PTPRT: variants seen among roughly 807,000 people sequenced by gnomAD.
PTPRT encodes receptor-type tyrosine-protein phosphatase T.
PTPRT carries 56 observed loss-of-function variants against 176.8 expected under a neutral mutation model. That is an observed-to-expected ratio of 0.32 (90% confidence interval 0.26 to 0.40). The LOEUF is 0.40. Among genes scored for constraint, PTPRT ranks in the 10% least tolerant of loss-of-function variants. The probability of loss-of-function intolerance (pLI) is 1.00; values close to 1 mark genes in which losing one functional copy is unlikely to be tolerated. For missense variants in PTPRT, 1,540 were observed against 1,908.2 expected (o/e 0.81, Z 3.60); for synonymous variants, 783 against 739.0 (o/e 1.06, Z -0.96).
intron 7 of PTPRT, among the ~76,000 whole-genome samples, chr20:42,531,285 A>G (rs923053363): frequency 5.3e-5 from 8 of 152,266 alleles, no homozygotes; most frequent in Non-Finnish European, 2.9e-5. Context: ...AGTAAAGATA[A>G]GAGAAAATTA....
intron 5 of PTPRT, among the ~76,000 whole-genome samples, chr20:42,758,914 C>T (rs2076875881): frequency 6.6e-6 from 1 of 152,256 alleles, no homozygotes; most frequent in Admixed American, 6.5e-5. Context: ...ATCCAGCTTC[C>T]TCATGCCTTG....
At chr20:42,531,072 G>C (rs527548207) in intron 7 of PTPRT, among the ~76,000 whole-genome samples, 2 of 152,152 alleles carry the variant, frequency 1.3e-5, no homozygotes, top group Non-Finnish European at 2.9e-5. Context: ...ACCCACCTGC[G>C]GTTTGGAAGC....
intron 1 of PTPRT, among the ~76,000 whole-genome samples, chr20:43,127,826 G>A (rs2013502947): frequency 6.6e-6 from 1 of 152,188 alleles, no homozygotes; most frequent in Admixed American, 6.5e-5. Flanking sequence ...GGGCCTTGCT[G>A]TTTCTGATGG....
intron 1 of PTPRT, among the ~76,000 whole-genome samples, chr20:43,035,591 G>A (rs921110663): frequency 6.6e-6 from 1 of 152,132 alleles, no homozygotes; most frequent in Non-Finnish European, 1.5e-5. Context: ...TCAACACTGT[G>A]GGTATTTCAT....
At position 42,588,447 on chromosome 20, in the gene PTPRT, A is replaced by C. The variant is rs6072803; in HGVS notation, c.1153+89419T>G. On this transcript the variant is annotated intron_variant, in intron 7 of 30. Coordinates refer to ENST00000373187, the MANE Select transcript of PTPRT (RefSeq NM_007050.6). ...TGGGCAACAGAGCCAAACTGTCCCC[A>C]AAAAAAAAGCAAATAAATCAACCAA... Among the ~76,000 whole-genome samples, 943 of 146,602 alleles carry C rather than the reference A, an allele frequency of 6.4e-3. 5 individuals are homozygous for C. The highest frequency in any genetic ancestry group is 9.1e-3 in the Non-Finnish European group (593 of 65,508).
chr20:42,641,974 C>A (rs1022327634), intron 7 of PTPRT, among the ~76,000 whole-genome samples: 6 of 152,166 alleles, frequency 3.9e-5, no homozygotes, highest in African/African-American at 1.2e-4. Flanking sequence ...TAACATGGAG[C>A]TGAGATGGGA....
intron 6 of PTPRT, among the ~76,000 whole-genome samples, chr20:42,683,651 C>T (rs1301212992): frequency 1.3e-5 from 2 of 152,186 alleles, no homozygotes; most frequent in Admixed American, 6.5e-5. Flanking sequence ...TTTCGTGTAG[C>T]ACAGGGCTAG....
At chr20:42,849,663 A>G (rs933239853) in intron 2 of PTPRT, among the ~76,000 whole-genome samples, 1 of 152,180 alleles carries the variant, frequency 6.6e-6, no homozygotes, top group Non-Finnish European at 1.5e-5. Context: ...CTTGGGGAAA[A>G]GTCACTTAGA....
At chr20:42,836,789 A>G (rs780564072) in intron 2 of PTPRT, among the ~76,000 whole-genome samples, 28 of 152,376 alleles carry the variant, frequency 1.8e-4, no homozygotes, top group Non-Finnish European at 3.1e-4. Context: ...TAATTAGATG[A>G]CAATAAGTCG....
At chr20:42,235,308 G>C (rs2056219836) in intron 15 of PTPRT, among the ~76,000 whole-genome samples, 1 of 151,744 alleles carries the variant, frequency 6.6e-6, no homozygotes, top group South Asian at 2.1e-4. Flanking sequence ...TGTTGCCCAG[G>C]CTGGAGCGCA....
rs375441200 is a variant in PTPRT at position 42,115,273 on chromosome 20, C to T, written c.3025G>A (p.Gly1009Arg). ...TCAATCAGGGTGACTTTAATGTCTC[C>T]GTAGACCTCCGTGTCATCTGGCCAG... is the stretch of plus-strand genomic sequence containing the variant. ...RYWPDDTEVYGDIKVTLIETE... is the reference protein window; with the variant it reads ...RYWPDDTEVYRDIKVTLIETE... Residue 1009 changes from glycine (G) to arginine (R), a missense_variant, in exon 22 of 31, where the codon GGA becomes AGA. This residue lies in a region of PTPRT where 248 missense variants were observed against 356.7 expected (regional missense o/e 0.70). Transcript: ENST00000373187. 1.7e-5 allele frequency: 27 copies of T among 1,613,986 alleles called. No individual in the cohort carries two copies. The highest frequency in any genetic ancestry group is 1.0e-4 in the Admixed American group (6 of 60,000).
At chr20:42,805,365 C>T (rs2077590975) in intron 2 of PTPRT, among the ~76,000 whole-genome samples, 1 of 152,284 alleles carries the variant, frequency 6.6e-6, no homozygotes, top group African/African-American at 2.4e-5. Context: ...TTATAGTGGC[C>T]TTGTCTGCAT....
intron 1 of PTPRT, among the ~76,000 whole-genome samples, chr20:43,075,131 C>T (rs1035317724): frequency 3.3e-5 from 5 of 152,198 alleles, no homozygotes; most frequent in African/African-American, 1.2e-4. Context: ...CACTAAACAG[C>T]AGAGATGTAT....
intron 1 of PTPRT, among the ~76,000 whole-genome samples, chr20:43,001,129 C>G (rs541778957): frequency 6.6e-6 from 1 of 151,924 alleles, no homozygotes; most frequent in Admixed American, 6.5e-5. Context: ...ATCGTGAAGA[C>G]ATTAGAAGGG....
At position 43,189,736 on chromosome 20, in the gene PTPRT, GGGC is replaced by G; in HGVS notation, c.-6_-4del. ...GCGAGCGCGGCGAGGCTCGCCATCC[GGGC>G]GGCGGCGGGCAGCTCAGCCCCTTCC... On this transcript the variant is annotated 5_prime_UTR_variant, in exon 1 of 31. Transcript: ENST00000373187. This position sits in a 1 kb window ranked among gnomAD's most constrained non-coding sequence, Gnocchi z 5.0. 1.6e-6 allele frequency: 2 copies of G among 1,232,738 alleles called. No individual in the cohort carries two copies. Among genetic ancestry groups the G allele is most frequent in the South Asian group, 5.9e-5 (2 of 33,898 alleles). 76.4% of individuals were successfully genotyped at this position (1,232,738 alleles called of 1,614,324 possible).
At chr20:42,130,510 A>G (rs1241810663) in intron 18 of PTPRT, among the ~76,000 whole-genome samples, 1 of 152,172 alleles carries the variant, frequency 6.6e-6, no homozygotes, top group Admixed American at 6.5e-5. Context: ...TAAATAGCTG[A>G]CAGGAGAGCC....
chr20:42,842,833 C>T (rs919685180), intron 2 of PTPRT, among the ~76,000 whole-genome samples: 3 of 152,188 alleles, frequency 2.0e-5, no homozygotes, highest in East Asian at 1.9e-4. Context: ...TGTGCCCTCA[C>T]GTAGCAGCAG....
intron 1 of PTPRT, among the ~76,000 whole-genome samples, chr20:43,092,588 A>G (rs1365026294): frequency 1.3e-5 from 2 of 152,188 alleles, no homozygotes; most frequent in Non-Finnish European, 2.9e-5. Flanking sequence ...TTTGGCCCCT[A>G]TGTGGTTGAG....
chr20:42,731,243 G>A (rs1005511948), intron 6 of PTPRT, among the ~76,000 whole-genome samples: 15 of 152,214 alleles, frequency 9.9e-5, no homozygotes, highest in Non-Finnish European at 1.9e-4. Context: ...GTTCAGCGCA[G>A]TCTAATTGCA....
Sources: allele counts gnomAD v4.1 joint callset (sites outside exome capture counted in the v4.1 genomes callset), GRCh38; gene constraint gnomAD v4.1.1; regional missense constraint gnomAD v4.1.1; non-coding constraint Gnocchi (gnomAD v3.1); transcripts MANE v1.5; gene names NCBI Gene and HGNC (gene_info 2026-07-23, HGNC 2026-07-21).